IDO2: variants seen among roughly 807,000 people sequenced by gnomAD.
IDO2 encodes indoleamine 2,3-dioxygenase-like 1 protein.
In IDO2, 46 loss-of-function variants were observed where a neutral mutation model predicts 45.1. The observed-to-expected ratio is 1.02, with a 90% CI of 0.80 to 1.30. The LOEUF (loss-of-function observed/expected upper bound fraction) is 1.30, where lower values mean the gene tolerates loss of function less well. IDO2 is among the 50% of genes most tolerant of loss of function. The pLI, the probability that IDO2 is intolerant of heterozygous loss-of-function variation, is 0.00. For synonymous variants in IDO2, 218 were observed against 184.9 expected (o/e 1.18, Z -1.45); for missense variants, 544 against 491.8 (o/e 1.11, Z -1.00).
intron 8 of IDO2, 59 bp downstream of exon 8, chr8:39,989,897 G>T (rs1025734036): frequency 6.9e-6 from 8 of 1,158,736 alleles, no homozygotes; most frequent in Non-Finnish European, 9.9e-6. Context: ...CTGCTTAGGG[G>T]AAGAGGGCCT....
At chr8:39,981,771 T>C (rs536895889) in intron 4 of IDO2, among the ~76,000 whole-genome samples, 39 of 152,182 alleles carry the variant, frequency 2.6e-4, no homozygotes, top group African/African-American at 9.2e-4. Flanking sequence ...ATATTTTATC[T>C]TAAGGAGAAA....
At chr8:39,937,325 C>G (rs907169083) in intron 1 of IDO2, among the ~76,000 whole-genome samples, 2 of 152,098 alleles carry the variant, frequency 1.3e-5, no homozygotes, top group African/African-American at 4.8e-5. Context: ...CAGCTTACAT[C>G]AAACAGAAAT....
At chr8:39,948,652 G>A (rs2129593271) in intron 1 of IDO2, among the ~76,000 whole-genome samples, 1 of 152,310 alleles carries the variant, frequency 6.6e-6, no homozygotes, top group Non-Finnish European at 1.5e-5. Flanking sequence ...AAACTTGGGT[G>A]CTTTCAGGGC....
intron 3 of IDO2, among the ~76,000 whole-genome samples, chr8:39,978,749 A>G (rs552183615): frequency 4.0e-4 from 61 of 152,202 alleles, no homozygotes; most frequent in African/African-American, 1.4e-3. Flanking sequence ...CTGGGAGTTA[A>G]GTATCCTACA....
At chr8:39,935,424 G>GGTGGTT (rs1349290860) in intron 1 of IDO2, among the ~76,000 whole-genome samples, 8 of 149,886 alleles carry the variant, frequency 5.3e-5, no homozygotes, top group Admixed American at 2.7e-4. Context: ...TTACTTTTCT[G>GGTGGTT]GTTGTTGTTG....
At chr8:39,998,073 G>C (rs1802077992) in intron 8 of IDO2, 2 of 227,918 alleles carry the variant, frequency 8.8e-6, no homozygotes, top group Admixed American at 8.1e-5. Context: ...GAGTTTCTGA[G>C]GGATAATTTC....
intron 3 of IDO2, among the ~76,000 whole-genome samples, chr8:39,968,426 T>A (rs1375897376): frequency 1.3e-5 from 2 of 152,176 alleles, no homozygotes; most frequent in African/African-American, 4.8e-5. Context: ...CTGTTTTATA[T>A]GGCACTCAGG....
At chr8:39,949,363 A>G (rs765657662) in intron 2 of IDO2, 99 bp downstream of exon 2, 18 of 818,082 alleles carry the variant, frequency 2.2e-5, no homozygotes, top group Non-Finnish European at 3.4e-5. Flanking sequence ...AGAGACCAAT[A>G]TAAATATCAA....
At chr8:40,004,563 A>ATAGATAGATAGG (rs1802189956) in intron 8 of IDO2, among the ~76,000 whole-genome samples, 5 of 151,766 alleles carry the variant, frequency 3.3e-5, no homozygotes, top group Non-Finnish European at 7.4e-5. Context: ...AGATAGATAG[A>ATAGATAGATAGG]TAGACGATAG....
intron 1 of IDO2, among the ~76,000 whole-genome samples, chr8:39,941,021 G>T (rs1432073683): frequency 1.3e-5 from 2 of 151,142 alleles, no homozygotes; most frequent in Non-Finnish European, 2.9e-5. Context: ...AGGAGTTCCA[G>T]ACCAGCCTGG....
At chr8:39,935,652 G>A (rs1011855763) in intron 1 of IDO2, among the ~76,000 whole-genome samples, 2 of 152,104 alleles carry the variant, frequency 1.3e-5, no homozygotes, top group Non-Finnish European at 2.9e-5. Flanking sequence ...GTTTCACCAT[G>A]TTGGCCAGGC....
intron 8 of IDO2, chr8:39,997,885 A>G (rs1174617747): frequency 2.0e-5 from 4 of 199,512 alleles, no homozygotes; most frequent in Admixed American, 4.8e-5. Context: ...AATTTGTTGA[A>G]CACCAGAAAT....
At chr8:39,943,655 T>G (rs1807683206) in intron 1 of IDO2, among the ~76,000 whole-genome samples, 3 of 142,176 alleles carry the variant, frequency 2.1e-5, no homozygotes, top group Non-Finnish European at 3.0e-5. Context: ...GAGAATGGCG[T>G]GAACCCCGGG....
At chr8:39,984,205 C>T (rs554062153) in intron 5 of IDO2, among the ~76,000 whole-genome samples, 17 of 152,216 alleles carry the variant, frequency 1.1e-4, no homozygotes, top group African/African-American at 3.4e-4. Context: ...GCAGGTGCAG[C>T]GGCTCATGCC....
chr8:39,993,403 T>C (rs1801980481), intron 8 of IDO2, among the ~76,000 whole-genome samples: 1 of 152,166 alleles, frequency 6.6e-6, no homozygotes, highest in Non-Finnish European at 1.5e-5. Flanking sequence ...CATCGGCGCA[T>C]TGGCAGCGTT....
chr8:40,011,951 A>C (rs1802316250), intron 9 of IDO2, among the ~76,000 whole-genome samples: 1 of 152,118 alleles, frequency 6.6e-6, no homozygotes, highest in Admixed American at 6.5e-5. Context: ...TGCTTTCTGT[A>C]CCGCATCTCT....
intron 1 of IDO2, among the ~76,000 whole-genome samples, chr8:39,947,112 C>T (rs751721031): frequency 1.1e-4 from 16 of 143,368 alleles, no homozygotes; most frequent in Middle Eastern, 3.6e-3. Context: ...GCAGAGATCG[C>T]GCCACTGCAC....
At chr8:39,967,742 C>A (rs1442188696) in intron 3 of IDO2, among the ~76,000 whole-genome samples, 12 of 152,332 alleles carry the variant, frequency 7.9e-5, no homozygotes, top group African/African-American at 2.6e-4. Flanking sequence ...CCCGCCTTGG[C>A]CTCCCAAAGT....
intron 9 of IDO2, among the ~76,000 whole-genome samples, chr8:40,011,246 G>T (rs2981154): frequency 0.98 from 149,836 of 152,312 alleles, 73,752 homozygotes; most frequent in East Asian, 1. Flanking sequence ...TGAGGCTAGA[G>T]AAGACCATTT....
Sources: allele counts gnomAD v4.1 joint callset (sites outside exome capture counted in the v4.1 genomes callset), GRCh38; gene constraint gnomAD v4.1.1; transcripts MANE v1.5; gene names NCBI Gene and HGNC (gene_info 2026-07-23, HGNC 2026-07-21).